WDR70: variants seen among roughly 807,000 people sequenced by gnomAD.
WDR70 encodes the protein WD repeat domain 70.
A neutral mutation model predicts 88.6 loss-of-function variants in WDR70; 53 were observed. That is an observed-to-expected ratio of 0.60 (90% CI 0.48 to 0.75). The LOEUF (loss-of-function observed/expected upper bound fraction) is 0.75, where lower values mean the gene tolerates loss of function less well. Ranked by LOEUF, WDR70 falls within the 30% of genes least tolerant of loss-of-function variation. The pLI is 0.00. For missense variants in WDR70, 610 were observed against 823.2 expected, an observed-to-expected ratio of 0.74 and a Z score of 3.17; for synonymous variants, 280 against 270.0, an observed-to-expected ratio of 1.04 and a Z score of -0.36.
At chr5:37,422,475 T>A (rs778340123) in intron 5 of WDR70, among the ~76,000 whole-genome samples, 1 of 151,550 alleles carries the variant, frequency 6.6e-6, no homozygotes, top group Non-Finnish European at 1.5e-5. Flanking sequence ...TGTTTTATTT[T>A]ATTTATTTAT....
chr5:37,745,831 G>A (rs1434532975), intron 17 of WDR70, among the ~76,000 whole-genome samples: 1 of 152,142 alleles, frequency 6.6e-6, no homozygotes, highest in Non-Finnish European at 1.5e-5. Flanking sequence ...TTAATAGTGG[G>A]AGACTCTAAC....
intron 9 of WDR70, among the ~76,000 whole-genome samples, chr5:37,546,280 G>A (rs562152811): frequency 1.3e-5 from 2 of 152,218 alleles, no homozygotes; most frequent in Non-Finnish European, 2.9e-5. Context: ...CATTAACCTT[G>A]CTGTAAGTTT....
chr5:37,455,734 AT>A (rs894497763), intron 7 of WDR70, among the ~76,000 whole-genome samples: 5 of 146,986 alleles, frequency 3.4e-5, no homozygotes, highest in Non-Finnish European at 7.4e-5. Flanking sequence ...TAAAAGTCAC[AT>A]TTATTCAGGT....
In WDR70 at chr5:37,563,186, C is replaced by T. The variant is rs866040373; in HGVS notation, c.918-41878C>T. ...TGGCTGGGCGGGGGGCTGACCCCCC[C>T]ACCTCCCTCCTGGACGGGGCGGCTG... On this transcript the variant is annotated intron_variant, in intron 9 of 17. Transcript: ENST00000265107. 6.1e-3 allele frequency among the ~76,000 whole-genome samples: 366 copies of T among 59,578 alleles called. 71 individuals carry two copies. The highest frequency in any genetic ancestry group is 0.017 in the African/African-American group (352 of 20,866). 39.1% of individuals were successfully genotyped at this position (59,578 alleles called of 152,430 possible). A position where few individuals can be genotyped will look rare whatever the true frequency, so the allele number is the denominator to read the frequency against.
chr5:37,636,363 C>T (rs184549248), intron 10 of WDR70, among the ~76,000 whole-genome samples: 1 of 152,302 alleles, frequency 6.6e-6, no homozygotes, highest in African/African-American at 2.4e-5. Context: ...AATAGAAAAT[C>T]ACCATGAGGC....
intron 10 of WDR70, among the ~76,000 whole-genome samples, chr5:37,637,827 G>A (rs1429939144): frequency 6.6e-6 from 1 of 152,184 alleles, no homozygotes; most frequent in Non-Finnish European, 1.5e-5. Context: ...GAGAATGCAG[G>A]TATGCAACCT....
At chr5:37,415,657 G>A (rs1181214665) in intron 5 of WDR70, among the ~76,000 whole-genome samples, 2 of 149,820 alleles carry the variant, frequency 1.3e-5, no homozygotes, top group African/African-American at 2.5e-5. Flanking sequence ...TGGCCGGGCG[G>A]GGGGCTGACC....
intron 7 of WDR70, among the ~76,000 whole-genome samples, chr5:37,470,468 C>T (rs973017237): frequency 1.3e-5 from 2 of 152,126 alleles, no homozygotes; most frequent in Non-Finnish European, 2.9e-5. Context: ...TAGAGTGTTA[C>T]CAGCACCAGA....
At chr5:37,556,356 CT>C (rs1742295193) in intron 9 of WDR70, among the ~76,000 whole-genome samples, 1 of 152,074 alleles carries the variant, frequency 6.6e-6, no homozygotes, top group African/African-American at 2.4e-5. Context: ...AGTCCCTTAA[CT>C]TACCTGTTTT....
intron 5 of WDR70, among the ~76,000 whole-genome samples, chr5:37,399,300 C>T (rs1432082164): frequency 2.0e-5 from 3 of 151,988 alleles, no homozygotes; most frequent in East Asian, 1.9e-4. Flanking sequence ...AAAAAATTAG[C>T]CAGGCATGGT....
intron 10 of WDR70, among the ~76,000 whole-genome samples, chr5:37,629,071 C>T (rs1282658981): frequency 6.6e-6 from 1 of 152,158 alleles, no homozygotes. Context: ...AGGGTTTCCC[C>T]ACCCCTGCTT....
intron 8 of WDR70, among the ~76,000 whole-genome samples, chr5:37,509,206 G>A (rs928615861): frequency 5.9e-5 from 9 of 152,006 alleles, no homozygotes; most frequent in Non-Finnish European, 1.2e-4. Context: ...TAAGATGGAT[G>A]CTTTAATTAT....
intron 7 of WDR70, among the ~76,000 whole-genome samples, chr5:37,466,705 C>CAA (rs796359494): frequency 1.1e-3 from 71 of 65,522 alleles, no homozygotes; most frequent in African/African-American, 4.4e-3. Context: ...GACTCCATCT[C>CAA]AAAAAAAAAA....
chr5:37,733,878 C>T (rs746583450), intron 17 of WDR70, among the ~76,000 whole-genome samples: 1 of 151,574 alleles, frequency 6.6e-6, no homozygotes, highest in African/African-American at 2.4e-5. Context: ...GTCATATTTC[C>T]TTTTAAGTTT....
At chr5:37,695,699 G>A (rs144960121) in intron 10 of WDR70, among the ~76,000 whole-genome samples, 83 of 151,968 alleles carry the variant, frequency 5.5e-4, no homozygotes, top group African/African-American at 1.9e-3. Context: ...CTTTCTTGTC[G>A]GCACTGTAGC....
At position 37,607,638 on chromosome 5, in the gene WDR70, A is replaced by C. The variant is rs1744070131; in HGVS notation, c.1092+2400A>C. On this transcript the variant is annotated intron_variant, in intron 10 of 17. Transcript: ENST00000265107. ...TAAAATAAAATACAATTAGAATTTC[A>C]GTTTCTCAATCACACTGGACACTTT... 2.0e-5 allele frequency among the ~76,000 whole-genome samples: 3 copies of C among 152,230 alleles called. No individual in the cohort carries two copies. In the East Asian group the frequency reaches 5.8e-4, roughly 29 times the overall value.
At chr5:37,748,333 G>A (rs1270700795) in intron 17 of WDR70, among the ~76,000 whole-genome samples, 6 of 152,072 alleles carry the variant, frequency 3.9e-5, no homozygotes, top group South Asian at 4.1e-4. Flanking sequence ...TCTGATCTTC[G>A]ACAAACCTGA....
chr5:37,637,875 A>AT (rs760545951), intron 10 of WDR70, among the ~76,000 whole-genome samples: 39 of 152,326 alleles, frequency 2.6e-4, no homozygotes, highest in Non-Finnish European at 5.0e-4. Flanking sequence ...CTGGGCTTTG[A>AT]TTCAGGAGCT....
intron 5 of WDR70, among the ~76,000 whole-genome samples, chr5:37,434,740 GT>G (rs1435974967): frequency 6.6e-6 from 1 of 152,138 alleles, no homozygotes; most frequent in Non-Finnish European, 1.5e-5. Flanking sequence ...CCTTTGGTTG[GT>G]TTTCAAAATT....
Sources: gnomAD v4.1 joint callset for allele counts (sites outside exome capture counted in the v4.1 genomes callset) on GRCh38, gnomAD v4.1.1 for gene constraint, MANE v1.5 for transcripts, NCBI Gene and HGNC (gene_info 2026-07-23, HGNC 2026-07-21) for gene names.